Variants in CREM observed in about 807,000 individuals in gnomAD.
CREM encodes the protein cAMP-responsive element modulator.
CREM carries 13 observed loss-of-function variants against 37.3 expected under a neutral mutation model. That is an observed-to-expected ratio of 0.35 (90% CI 0.23 to 0.55). The LOEUF is 0.55. CREM is among the 20% of genes least tolerant of loss of function. The pLI, the probability that CREM is intolerant of heterozygous loss-of-function variation, is 0.88. For synonymous variants in CREM, 124 were observed against 120.2 expected (o/e 1.03, Z -0.21); for missense variants, 296 against 362.3 (o/e 0.82, Z 1.49).
chr10:35,206,813 A>G, intron 6 of CREM, 82 bp from the exon 7 acceptor site: 2 of 1,297,882 alleles, frequency 1.5e-6, no homozygotes, highest in Admixed American at 1.7e-5. Flanking sequence ...TGTCAAAAGT[A>G]TATCATTTCC....
chr10:35,178,323 C>T (rs531325541), intron 3 of CREM, among the ~76,000 whole-genome samples: 1 of 152,320 alleles, frequency 6.6e-6, no homozygotes, highest in South Asian at 2.1e-4. Context: ...AGACCCACCG[C>T]CACCAAGCCC....
rs1206027164 is a variant in CREM, at chr10:35,158,807, TTGTTG to T, written c.168+10318_168+10322del. Reference sequence around the variant, plus strand: ...GAGTAGCAAATATAGTGTTTTTTTTTTGTTGTTTTGTTTGTTTTTTTTTTTTTTTT... The same window carrying T: ...GAGTAGCAAATATAGTGTTTTTTTTTTTTTGTTTGTTTTTTTTTTTTTTTT... On this transcript the variant is annotated intron_variant, in intron 3 of 7. Coordinates refer to ENST00000685392, the MANE Select transcript of CREM (RefSeq NM_183011.2). 1.0e-4 allele frequency among the ~76,000 whole-genome samples: 10 copies of T among 96,868 alleles called. 1 individual carries two copies. Among genetic ancestry groups the T allele is most frequent in the Non-Finnish European group, 1.7e-4 (7 of 41,392 alleles). The allele number at this position is 96,868 out of a possible 152,430, so 63.5% of individuals were successfully genotyped here.
intron 3 of CREM, among the ~76,000 whole-genome samples, chr10:35,157,685 A>G (rs986545839): frequency 3.3e-5 from 5 of 151,438 alleles, no homozygotes; most frequent in Admixed American, 6.6e-5. Flanking sequence ...TGCCACTTCT[A>G]TTTAGCATTG....
intron 6 of CREM, among the ~76,000 whole-genome samples, chr10:35,194,124 A>AAAAAAAAAAAAG (rs2095046771): frequency 6.7e-6 from 1 of 149,144 alleles, no homozygotes; most frequent in South Asian, 2.1e-4. Context: ...AAAAAAAAAA[A>AAAAAAAAAAAAG]GACAAAAGGT....
At chr10:35,191,035 C>G (rs1439338037) in intron 6 of CREM, among the ~76,000 whole-genome samples, 1 of 151,390 alleles carries the variant, frequency 6.6e-6, no homozygotes, top group Admixed American at 6.6e-5. Flanking sequence ...CATAGAAAGT[C>G]TTGTTTATTC....
At chr10:35,204,886 C>CA (rs1393216234) in intron 6 of CREM, among the ~76,000 whole-genome samples, 5 of 152,138 alleles carry the variant, frequency 3.3e-5, no homozygotes, top group Admixed American at 6.5e-5. Context: ...ATTTAGCTGA[C>CA]AAAGTATTTG....
chr10:35,199,998 ACCTG>A (rs2134211214), intron 6 of CREM, among the ~76,000 whole-genome samples: 1 of 145,520 alleles, frequency 6.9e-6, no homozygotes, highest in East Asian at 2.0e-4. Context: ...CAAGCGATTC[ACCTG>A]CCTCAGCCTC....
chr10:35,166,643 T>C (rs2093569945), intron 3 of CREM, among the ~76,000 whole-genome samples: 1 of 151,624 alleles, frequency 6.6e-6, no homozygotes, highest in Non-Finnish European at 1.5e-5. Flanking sequence ...GCTGGAGGAT[T>C]GCTTGAGCCT....
At chr10:35,134,247 C>T (rs1020050994) in intron 1 of CREM, among the ~76,000 whole-genome samples, 25 of 151,612 alleles carry the variant, frequency 1.6e-4, no homozygotes, top group African/African-American at 5.1e-4. Context: ...ATGAGAGTCT[C>T]GCTCTGTTGC....
At chr10:35,133,028 C>T (rs1280714085) in intron 1 of CREM, among the ~76,000 whole-genome samples, 2 of 152,184 alleles carry the variant, frequency 1.3e-5, no homozygotes, top group Non-Finnish European at 2.9e-5. Flanking sequence ...CTTTCTCTTC[C>T]TGCTTCTGTA....
chr10:35,169,771 A>C (rs1417183382), intron 3 of CREM, among the ~76,000 whole-genome samples: 4 of 152,114 alleles, frequency 2.6e-5, no homozygotes, highest in Admixed American at 6.6e-5. Flanking sequence ...CGTCCCATCA[A>C]TACCTAATTT....
intron 1 of CREM, 196 bp downstream of exon 1, chr10:35,127,389 C>A (rs1249743205): frequency 3.3e-5 from 5 of 151,894 alleles, no homozygotes; most frequent in Non-Finnish European, 7.4e-5. Flanking sequence ...CCTGACGCGG[C>A]CCCTCGCTCG....
chr10:35,130,196 CAAAAAAAAA>C (rs754455183), intron 1 of CREM, among the ~76,000 whole-genome samples: 2 of 67,208 alleles, frequency 3.0e-5, no homozygotes, highest in Non-Finnish European at 6.0e-5. Flanking sequence ...AACTCAGTCT[CAAAAAAAAA>C]AAAAAAAAAA....
intron 3 of CREM, among the ~76,000 whole-genome samples, chr10:35,164,663 A>G (rs2093450094): frequency 6.6e-6 from 1 of 152,246 alleles, no homozygotes; most frequent in South Asian, 2.1e-4. Flanking sequence ...AGACTTTACT[A>G]TTTATGTACT....
At chr10:35,159,050 TTATC>T (rs1044651859) in intron 3 of CREM, among the ~76,000 whole-genome samples, 8 of 152,226 alleles carry the variant, frequency 5.3e-5, no homozygotes, top group Admixed American at 3.3e-4. Flanking sequence ...CATCAGGGCT[TTATC>T]TATGAAAAAG....
At chr10:35,189,916 G>A (rs539990011) in intron 6 of CREM, among the ~76,000 whole-genome samples, 2 of 152,300 alleles carry the variant, frequency 1.3e-5, no homozygotes, top group East Asian at 1.9e-4. Context: ...GGGGGTTAAT[G>A]TGGACTATGG....
intron 2 of CREM, among the ~76,000 whole-genome samples, chr10:35,142,485 G>A (rs930913082): frequency 2.6e-5 from 4 of 152,148 alleles, no homozygotes; most frequent in Non-Finnish European, 4.4e-5. Flanking sequence ...GTATAGAAAC[G>A]CAGGGATTGA....
At chr10:35,155,173 A>AT (rs1187163043) in intron 3 of CREM, among the ~76,000 whole-genome samples, 11 of 152,246 alleles carry the variant, frequency 7.2e-5, no homozygotes, top group South Asian at 2.1e-4. Flanking sequence ...ACTGTTAAAG[A>AT]TTTTTTTGTA....
intron 2 of CREM, among the ~76,000 whole-genome samples, chr10:35,143,320 T>A (rs1406864495): frequency 6.6e-6 from 1 of 151,408 alleles, no homozygotes; most frequent in Non-Finnish European, 1.5e-5. Context: ...GGGTGGGAAG[T>A]GAAGAAAGGG....
Sources: allele counts gnomAD v4.1 joint callset (sites outside exome capture counted in the v4.1 genomes callset), GRCh38; gene constraint gnomAD v4.1.1; transcripts MANE v1.5; gene names NCBI Gene and HGNC (gene_info 2026-07-23, HGNC 2026-07-21).